Variants in ZBTB34 observed in about 807,000 individuals in gnomAD.
ZBTB34 encodes zinc finger and BTB domain-containing protein 34.
ZBTB34 carries 1 observed loss-of-function variant against 33.4 expected under a neutral mutation model. The ratio of observed to expected loss-of-function variants is 0.03; its 90% CI spans 0.01 to 0.14. The LOEUF is 0.14. ZBTB34 is among the 10% of genes least tolerant of loss of function. The pLI, the probability that ZBTB34 is intolerant of heterozygous loss-of-function variation, is 1.00. For missense variants in ZBTB34, 406 were observed against 657.2 expected (o/e 0.62, Z 4.18); for synonymous variants, 283 against 253.5 (o/e 1.12, Z -1.11).
chr9:126,877,802 C>T (rs945501493), intron 1 of ZBTB34, among the ~76,000 whole-genome samples: 1 of 152,064 alleles, frequency 6.6e-6, no homozygotes, highest in Non-Finnish European at 1.5e-5. Context: ...GTCAGGAGTT[C>T]GAGACCAGCC....
At chr9:126,873,707 C>T (rs540582393) in intron 1 of ZBTB34, among the ~76,000 whole-genome samples, 13 of 152,128 alleles carry the variant, frequency 8.5e-5, no homozygotes, top group African/African-American at 2.6e-4. Context: ...CGGGTTCAAG[C>T]GATTCTCCTG....
chr9:126,877,280 C>A (rs1264756313), intron 1 of ZBTB34, among the ~76,000 whole-genome samples: 1 of 152,172 alleles, frequency 6.6e-6, no homozygotes, highest in African/African-American at 2.4e-5. Flanking sequence ...GTAGACTCTA[C>A]AATTGTTAAC....
Position 126,879,199 on chromosome 9 carries a change from T to C in ZBTB34, c.-10-191T>C. 1 of 523,606 alleles carries C rather than the reference T, an allele frequency of 1.9e-6. No individual in the cohort carries two copies. The highest frequency in any genetic ancestry group is 3.0e-5 in the East Asian group (1 of 33,368). The allele number at this position is 523,606 out of a possible 1,614,324, so 32.4% of individuals were successfully genotyped here. On this transcript the variant is annotated intron_variant, in intron 1 of 1. Transcript: ENST00000319119. The surrounding 1 kb of genome is among the most constrained non-coding windows in gnomAD (Gnocchi z 6.4). ...TAGGCAATTATGACATTAGGCTAAT[T>C]GATCATTAGTTTATTTGGCTTTAGG...
intron 1 of ZBTB34, among the ~76,000 whole-genome samples, chr9:126,861,181 C>T (rs906889308): frequency 6.6e-6 from 1 of 152,182 alleles, no homozygotes; most frequent in Non-Finnish European, 1.5e-5. Flanking sequence ...GGCCAGGGGT[C>T]GGCCCTTCGG....
chr9:126,861,177 G>A (rs928984907), intron 1 of ZBTB34, among the ~76,000 whole-genome samples: 1 of 152,194 alleles, frequency 6.6e-6, no homozygotes, highest in East Asian at 1.9e-4. Flanking sequence ...GCCGGGCCAG[G>A]GGTCGGCCCT....
At chr9:126,870,730 C>G (rs762056581) in intron 1 of ZBTB34, among the ~76,000 whole-genome samples, 6 of 152,172 alleles carry the variant, frequency 3.9e-5, no homozygotes, top group Admixed American at 1.3e-4. Context: ...AGTTCAAGAA[C>G]AGCCTGGCCA....
chr9:126,879,204 A>G lies in ZBTB34; in HGVS notation c.-10-186A>G, dbSNP rs1384706686. The G allele has an allele frequency of 3.8e-6, 2 of 531,130 alleles. No individual in the cohort carries two copies. Among genetic ancestry groups the G allele is most frequent in the Non-Finnish European group, 6.6e-6 (2 of 302,034 alleles). The allele number at this position is 531,130 out of a possible 1,614,324, so 32.9% of individuals were successfully genotyped here. ...AATTATGACATTAGGCTAATTGATC[A>G]TTAGTTTATTTGGCTTTAGGTGAAT... is the stretch of plus-strand genomic sequence containing the variant. On this transcript the variant is annotated intron_variant, in intron 1 of 1. Transcript: ENST00000319119. This position sits in a 1 kb window ranked among gnomAD's most constrained non-coding sequence, Gnocchi z 6.4.
At chr9:126,878,351 T>G (rs972358509) in intron 1 of ZBTB34, among the ~76,000 whole-genome samples, 2 of 151,108 alleles carry the variant, frequency 1.3e-5, no homozygotes, top group Non-Finnish European at 3.0e-5. Flanking sequence ...ATGCCTGTAA[T>G]CCCAGCTATT....
intron 1 of ZBTB34, among the ~76,000 whole-genome samples, chr9:126,872,010 A>G (rs1173669566): frequency 6.6e-6 from 1 of 151,232 alleles, no homozygotes; most frequent in African/African-American, 2.4e-5. Context: ...CTGGAGTACA[A>G]TGGCACGATC....
At chr9:126,873,661 A>G (rs1186545755) in intron 1 of ZBTB34, among the ~76,000 whole-genome samples, 5 of 151,550 alleles carry the variant, frequency 3.3e-5, no homozygotes, top group African/African-American at 1.2e-4. Flanking sequence ...CTGGAGTGCA[A>G]TGGTGCGATC....
At position 126,880,534 on chromosome 9, in the gene ZBTB34, A is replaced by G. The variant is rs1026723668; in HGVS notation, c.1135A>G (p.Ile379Val). The stretch of plus-strand genomic sequence containing the variant: ...CCCGTACAATGAGAGGTTGATCTGT[A>G]TTTACTGTGGAAAGTCCTTCAACCA... Residue 379 changes from isoleucine (I) to valine (V), a missense_variant, in exon 2 of 2, where the codon ATT (isoleucine) becomes GTT (valine). Around this residue, in one of 6 missense-constraint regions of ZBTB34, gnomAD observed 36 missense variants for 109.4 expected, o/e 0.33. Coordinates refer to ENST00000319119, the Ensembl canonical transcript of ZBTB34. The surrounding 1 kb of genome is among the most constrained non-coding windows in gnomAD (Gnocchi z 6.7). The G allele has an allele frequency of 1.9e-6, 3 of 1,613,726 alleles. No individual in the cohort carries two copies. The highest frequency in any genetic ancestry group is 2.5e-6 in the Non-Finnish European group (3 of 1,179,902).
At chr9:126,867,824 T>A (rs1564220876) in intron 1 of ZBTB34, among the ~76,000 whole-genome samples, 1 of 151,926 alleles carries the variant, frequency 6.6e-6, no homozygotes, top group Admixed American at 6.6e-5. Flanking sequence ...AGAGTGGCAT[T>A]AAATGGAAAG....
At chr9:126,876,349 C>T (rs1023855883) in intron 1 of ZBTB34, among the ~76,000 whole-genome samples, 19 of 147,144 alleles carry the variant, frequency 1.3e-4, no homozygotes, top group South Asian at 6.6e-4. Flanking sequence ...TGTTCTGTTT[C>T]TAGCCTATTA....
At chr9:126,876,158 CCGT>C in intron 1 of ZBTB34, among the ~76,000 whole-genome samples, 1 of 37,944 alleles carries the variant, frequency 2.6e-5, no homozygotes, top group Admixed American at 3.1e-4. Context: ...TTTTTCCCTT[CCGT>C]CCTTCCCCCC....
chr9:126,866,862 C>G (rs931397904), intron 1 of ZBTB34, among the ~76,000 whole-genome samples: 12 of 152,288 alleles, frequency 7.9e-5, no homozygotes, highest in Middle Eastern at 3.4e-3. Context: ...TCTCCTTAGT[C>G]CTTCCCCACA....
Position 126,862,609 on chromosome 9 carries a change from T to G in ZBTB34, c.-11+1870T>G, listed in dbSNP as rs560421081. 3.3e-5 allele frequency among the ~76,000 whole-genome samples: 5 copies of G among 152,328 alleles called. No homozygotes were observed. The South Asian group carries it at 6.2e-4, about 19-fold the overall frequency. ...TTCTGAAGCACTGGCCTCCTTTTTCTTTTCTGTGCAAATTCTCCATTTCAC... is the reference window on the plus strand; with the variant it reads ...TTCTGAAGCACTGGCCTCCTTTTTCGTTTCTGTGCAAATTCTCCATTTCAC... On this transcript the variant is annotated intron_variant, in intron 1 of 1. Coordinates refer to ENST00000319119, the Ensembl canonical transcript of ZBTB34.
intron 1 of ZBTB34, among the ~76,000 whole-genome samples, chr9:126,862,210 T>C (rs1588382271): frequency 6.6e-6 from 1 of 152,106 alleles, no homozygotes; most frequent in Non-Finnish European, 1.5e-5. Context: ...AGTGATCCTA[T>C]GGAGTTAGTG....
chr9:126,871,960 T>C lies in ZBTB34; in HGVS notation c.-10-7430T>C, dbSNP rs191081703. Reference sequence around the variant, plus strand: ...GTGAGACCCTGTCTCTACAAATTTTTTTTTTTTTTTGAAATGGAGATTCGC... The same window carrying C: ...GTGAGACCCTGTCTCTACAAATTTTCTTTTTTTTTTGAAATGGAGATTCGC... On this transcript the variant is annotated intron_variant, in intron 1 of 1. Transcript: ENST00000319119. Among the ~76,000 whole-genome samples, 401 of 151,934 alleles carry C rather than the reference T, an allele frequency of 2.6e-3. 3 individuals are homozygous for C. Among genetic ancestry groups the C allele is most frequent in the African/African-American group, 9.1e-3 (378 of 41,454 alleles).
At position 126,879,386 on chromosome 9, in the gene ZBTB34, G is replaced by A. The variant is rs372471765; in HGVS notation, c.-10-4G>A. The A allele has an allele frequency of 1.7e-5, 27 of 1,594,208 alleles. No homozygotes were observed. The African/African-American group carries it at 1.9e-4, about 11-fold the overall frequency. On this transcript the variant is annotated splice_polypyrimidine_tract_variant and splice_region_variant and intron_variant, in intron 1 of 1. Transcript: ENST00000319119. The surrounding 1 kb of genome is among the most constrained non-coding windows in gnomAD (Gnocchi z 6.4). ...TGAATGATGCAAACTCTCTCTCTCC[G>A]CAGAGTACGCTTCATGTCAGTAGAA...
Sources: allele counts gnomAD v4.1 joint callset (sites outside exome capture counted in the v4.1 genomes callset), GRCh38; gene constraint gnomAD v4.1.1; regional missense constraint gnomAD v4.1.1; non-coding constraint Gnocchi (gnomAD v3.1); transcripts MANE v1.5; gene names NCBI Gene and HGNC (gene_info 2026-07-23, HGNC 2026-07-21).